PCDHGA5: variants seen among roughly 807,000 people sequenced by gnomAD.
PCDHGA5 encodes protocadherin gamma subfamily A, 5.
PCDHGA5 carries 36 observed loss-of-function variants against 56.7 expected under a neutral mutation model. The ratio of observed to expected loss-of-function variants is 0.64; its 90% CI spans 0.49 to 0.84. PCDHGA5 has a LOEUF of 0.84. Ranked by LOEUF, PCDHGA5 falls within the 40% of genes least tolerant of loss-of-function variation. PCDHGA5 has a pLI of 0.00. For synonymous variants in PCDHGA5, 563 were observed against 520.2 expected, an observed-to-expected ratio of 1.08 and a Z score of -1.12; for missense variants, 1,305 against 1,201.5, an observed-to-expected ratio of 1.09 and a Z score of -1.27.
At chr5:141,410,739 A>G in intron 1 of PCDHGA5, 1 of 1,303,782 alleles carries the variant, frequency 7.7e-7, no homozygotes. Flanking sequence ...GCTTTTTACA[A>G]TATTTTCTCA....
intron 1 of PCDHGA5, chr5:141,423,565 C>G: frequency 1.2e-6 from 2 of 1,613,594 alleles, no homozygotes; most frequent in Non-Finnish European, 1.7e-6. Context: ...TGGGGACACG[C>G]TCATCAGCCA....
At chr5:141,416,698 A>G (rs2096053724) in intron 1 of PCDHGA5, 1 of 152,250 alleles carries the variant, frequency 6.6e-6, no homozygotes, top group Non-Finnish European at 1.5e-5. Context: ...TAAACAAAGG[A>G]TCATTGGAGG....
In PCDHGA5 at chr5:141,413,412, C is replaced by T. The variant is rs747352426; in HGVS notation, c.2421+46661C>T. ...TCTCCAGAGGTAGGACGCAGCTTTT[C>T]TCTCTGAACCCGCGCAGCGGCAGCT... On this transcript the variant is annotated intron_variant, in intron 1 of 3. Transcript: ENST00000518069. 5.6e-6 allele frequency: 9 copies of T among 1,613,954 alleles called. No individual in the cohort carries two copies. The African/African-American group carries it at 1.2e-4, about 22-fold the overall frequency.
intron 1 of PCDHGA5, chr5:141,403,939 G>C: frequency 6.2e-7 from 1 of 1,613,852 alleles, no homozygotes; most frequent in Non-Finnish European, 8.5e-7. Context: ...GATTGAAAGG[G>C]TGGACAAAAG....
chr5:141,490,215 G>C lies in PCDHGA5; in HGVS notation c.2422-4592G>C. 6.2e-7 allele frequency: 1 copy of C among 1,614,254 alleles called. No individual in the cohort carries two copies. Among genetic ancestry groups the C allele is most frequent in the African/African-American group, 1.3e-5 (1 of 75,078 alleles). On this transcript the variant is annotated intron_variant, in intron 1 of 3. Coordinates refer to ENST00000518069, the MANE Select transcript of PCDHGA5 (RefSeq NM_018918.3). The surrounding 1 kb of genome is among the most constrained non-coding windows in gnomAD (Gnocchi z 5.4). ...AAATTCATGCAAGAGCCCGTGACCA[G>C]GGACAGCCTGCCATGGAGGGCCACT... is the stretch of plus-strand genomic sequence containing the variant.
Position 141,432,466 on chromosome 5 carries a change from G to A in PCDHGA5, c.2422-62341G>A, listed in dbSNP as rs149116648. 5.7e-4 allele frequency: 913 copies of A among 1,614,208 alleles called. 6 individuals carry two copies. In the African/African-American group the frequency reaches 0.011, roughly 19 times the overall value. On this transcript the variant is annotated intron_variant, in intron 1 of 3. Transcript: ENST00000518069. This position sits in a 1 kb window ranked among gnomAD's most constrained non-coding sequence, Gnocchi z 6.0. The stretch of plus-strand genomic sequence containing the variant: ...AGATCCTGTACCCCGCCCTCCCCAC[G>A]GACGGTTCCACTGGCGTGGAGCTGG...
intron 1 of PCDHGA5, chr5:141,415,910 A>G: frequency 1.3e-6 from 1 of 757,484 alleles, no homozygotes; most frequent in Non-Finnish European, 1.8e-6. Context: ...ACTTCCATAC[A>G]GAAGTGCCTG....
intron 1 of PCDHGA5, chr5:141,383,078 C>G (rs749152940): frequency 2.5e-6 from 4 of 1,613,840 alleles, no homozygotes; most frequent in South Asian, 2.2e-5. Flanking sequence ...CGGGAGCTGG[C>G]GGAGCGCGGA....
Position 141,485,835 on chromosome 5 carries a change from C to T in PCDHGA5, c.2422-8972C>T, listed in dbSNP as rs747722740. On this transcript the variant is annotated intron_variant, in intron 1 of 3. Transcript: ENST00000518069. This position sits in a 1 kb window ranked among gnomAD's most constrained non-coding sequence, Gnocchi z 5.7. ...ACTGCTGTCGATGGAGGGAACCCGC[C>T]GAGATCTGGCACCGCAGAGCTCCGG... 6.2e-7 allele frequency: 1 copy of T among 1,614,190 alleles called. No homozygotes were observed. Among genetic ancestry groups the T allele is most frequent in the Non-Finnish European group, 8.5e-7 (1 of 1,180,048 alleles).
At chr5:141,369,470 C>T (rs752917426) in intron 1 of PCDHGA5, among the ~76,000 whole-genome samples, 13 of 152,166 alleles carry the variant, frequency 8.5e-5, no homozygotes, top group African/African-American at 1.9e-4. Context: ...TGTTCTAGCC[C>T]AGCCTGGGCA....
intron 1 of PCDHGA5, among the ~76,000 whole-genome samples, chr5:141,443,764 C>A (rs1351060316): frequency 6.6e-6 from 1 of 151,708 alleles, no homozygotes; most frequent in Non-Finnish European, 1.5e-5. Flanking sequence ...TTACAATATA[C>A]AATATTACCA....
rs2091965953 is a variant in PCDHGA5 at position 141,389,909 on chromosome 5, C to T, written c.2421+23158C>T. ...AGGAGGTGCTGCCGGATATCACTGA[C>T]CGCCCCGACCCCTCTGACCTCCAGG... On this transcript the variant is annotated intron_variant, in intron 1 of 3. Transcript: ENST00000518069. 1.9e-6 allele frequency: 3 copies of T among 1,614,068 alleles called. No homozygotes were observed. In the South Asian group the frequency reaches 3.3e-5, roughly 18 times the overall value.
intron 1 of PCDHGA5, chr5:141,393,065 G>C (rs980151183): frequency 6.2e-7 from 1 of 1,613,646 alleles, no homozygotes; most frequent in African/African-American, 1.3e-5. Context: ...GCGGCAGCTT[G>C]ATCACCGCGG....
chr5:141,410,104 C>G, intron 1 of PCDHGA5: 1 of 1,612,582 alleles, frequency 6.2e-7, no homozygotes, highest in Non-Finnish European at 8.5e-7. Context: ...CCTTAGGCGA[C>G]AGGGACGCAG....
intron 1 of PCDHGA5, chr5:141,478,541 G>T (rs905837179): frequency 1.2e-6 from 2 of 1,605,590 alleles, no homozygotes; most frequent in Non-Finnish European, 1.7e-6. Flanking sequence ...CGCCCCTCCC[G>T]GACAGGTAAG....
chr5:141,457,386 A>G lies in PCDHGA5; in HGVS notation c.2422-37421A>G, dbSNP rs1303460358. Reference sequence around the variant, plus strand: ...TGCAAAATAATTGCCCAGAACTAGCATATTGATTCACATTTTCACATTACC... The same window carrying G: ...TGCAAAATAATTGCCCAGAACTAGCGTATTGATTCACATTTTCACATTACC... On this transcript the variant is annotated intron_variant, in intron 1 of 3. Transcript: ENST00000518069. Among the ~76,000 whole-genome samples the G allele has an allele frequency of 5.3e-5, 8 of 152,210 alleles. No homozygotes were observed. The East Asian group carries it at 1.3e-3, about 26-fold the overall frequency.
chr5:141,425,530 A>G (rs1485711838), intron 1 of PCDHGA5, among the ~76,000 whole-genome samples: 1 of 152,246 alleles, frequency 6.6e-6, no homozygotes, highest in Non-Finnish European at 1.5e-5. Flanking sequence ...ACATGAAACA[A>G]TAATCCTTTT....
intron 1 of PCDHGA5, chr5:141,418,560 A>G (rs752240769): frequency 1.2e-6 from 2 of 1,614,034 alleles, no homozygotes; most frequent in Non-Finnish European, 1.7e-6. Context: ...CTGGTAATAG[A>G]TGCCAATGAC....
At chr5:141,506,172 TG>T (rs2099850913) in intron 3 of PCDHGA5, among the ~76,000 whole-genome samples, 1 of 152,128 alleles carries the variant, frequency 6.6e-6, no homozygotes, top group South Asian at 2.1e-4. Flanking sequence ...CAGCCTAAGC[TG>T]GGCGTGGTGG....
Sources: gnomAD v4.1 joint callset for allele counts (sites outside exome capture counted in the v4.1 genomes callset) on GRCh38, gnomAD v4.1.1 for gene constraint, Gnocchi (gnomAD v3.1) non-coding constraint, MANE v1.5 for transcripts, NCBI Gene and HGNC (gene_info 2026-07-23, HGNC 2026-07-21) for gene names.